ZFYVE9: variants seen among roughly 807,000 people sequenced by gnomAD.
The protein encoded by ZFYVE9 is zinc finger FYVE-type containing 9.
In ZFYVE9, 43 loss-of-function variants were observed where a neutral mutation model predicts 126.7. The ratio of observed to expected loss-of-function variants is 0.34; its 90% CI spans 0.27 to 0.44. The LOEUF (loss-of-function observed/expected upper bound fraction) is 0.44, where lower values mean the gene tolerates loss of function less well. ZFYVE9 is among the 20% of genes least tolerant of loss of function. ZFYVE9 has a pLI of 1.00. For missense variants in ZFYVE9, 1,476 were observed against 1,697.0 expected, an observed-to-expected ratio of 0.87 and a Z score of 2.29; for synonymous variants, 521 against 597.4, an observed-to-expected ratio of 0.87 and a Z score of 1.87.
intron 2 of ZFYVE9, among the ~76,000 whole-genome samples, chr1:52,217,129 C>T (rs1039828796): frequency 1.3e-5 from 2 of 152,202 alleles, no homozygotes; most frequent in African/African-American, 4.8e-5. Context: ...GCACCTATTA[C>T]AAATGCAAGA....
intron 2 of ZFYVE9, among the ~76,000 whole-genome samples, chr1:52,229,606 T>C (rs1266118901): frequency 1.3e-5 from 2 of 152,254 alleles, no homozygotes; most frequent in African/African-American, 4.8e-5. Flanking sequence ...TTATTCATTC[T>C]GCAGTTATTA....
chr1:52,318,370 ATGTGTGTGTGTGTGTGTGTG>A (rs59683935), intron 13 of ZFYVE9, among the ~76,000 whole-genome samples: 23 of 144,396 alleles, frequency 1.6e-4, no homozygotes, highest in Admixed American at 4.9e-4. Context: ...GCATGATTGT[ATGTGTGTGTGTGTGTGTGTG>A]TGTGTGTGTG....
At chr1:52,307,790 C>T (rs554367040) in intron 13 of ZFYVE9, among the ~76,000 whole-genome samples, 140 of 151,550 alleles carry the variant, frequency 9.2e-4, no homozygotes, top group African/African-American at 3.3e-3. Context: ...CTTGCTCCGC[C>T]ACCCAGGCTG....
At chr1:52,271,531 G>A (rs575511500) in intron 7 of ZFYVE9, among the ~76,000 whole-genome samples, 227 of 152,150 alleles carry the variant, frequency 1.5e-3, no homozygotes, top group Middle Eastern at 6.8e-3. Flanking sequence ...CCATCAACCC[G>A]TCATCTAGAT....
At chr1:52,255,292 G>T (rs1327097635) in intron 4 of ZFYVE9, among the ~76,000 whole-genome samples, 1 of 152,004 alleles carries the variant, frequency 6.6e-6, no homozygotes, top group Admixed American at 6.6e-5. Context: ...TTTTTAAAAA[G>T]TAATTTTAGA....
chr1:52,285,338 C>G (rs1017004427), intron 10 of ZFYVE9, among the ~76,000 whole-genome samples: 1 of 152,044 alleles, frequency 6.6e-6, no homozygotes, highest in South Asian at 2.1e-4. Flanking sequence ...AAAACGGGGT[C>G]CCCAACCCAC....
At chr1:52,159,902 T>C (rs1236981752) in intron 1 of ZFYVE9, among the ~76,000 whole-genome samples, 3 of 151,932 alleles carry the variant, frequency 2.0e-5, no homozygotes, top group Non-Finnish European at 4.4e-5. Flanking sequence ...TTCACGCTGT[T>C]CTCCTGCCTC....
intron 1 of ZFYVE9, among the ~76,000 whole-genome samples, chr1:52,169,059 G>A (rs571594520): frequency 6.6e-6 from 1 of 152,146 alleles, no homozygotes; most frequent in East Asian, 1.9e-4. Flanking sequence ...CTGACATCCA[G>A]ATCTTGATGT....
At chr1:52,261,505 ATTG>A (rs1645580165) in intron 4 of ZFYVE9, among the ~76,000 whole-genome samples, 2 of 152,012 alleles carry the variant, frequency 1.3e-5, no homozygotes, top group Non-Finnish European at 1.5e-5. Flanking sequence ...CCACATCCCC[ATTG>A]GGTAGCTTGG....
chr1:52,309,804 GAGGA>G (rs1646121052), intron 13 of ZFYVE9, among the ~76,000 whole-genome samples: 1 of 152,280 alleles, frequency 6.6e-6, no homozygotes, highest in East Asian at 1.9e-4. Context: ...TATGGAAAAT[GAGGA>G]GGGAGGGAGG....
intron 4 of ZFYVE9, among the ~76,000 whole-genome samples, chr1:52,256,176 C>T (rs113544648): frequency 6.6e-6 from 1 of 151,268 alleles, no homozygotes; most frequent in African/African-American, 2.4e-5. Flanking sequence ...AGTGATTCTC[C>T]TGCCTCAGCC....
intron 1 of ZFYVE9, chr1:52,180,336 G>A (rs1405541756): frequency 3.2e-6 from 5 of 1,570,986 alleles, no homozygotes; most frequent in Non-Finnish European, 4.4e-6. Flanking sequence ...CATGATATTT[G>A]TTTACGTGGA....
rs146867741 is a variant in ZFYVE9, at chr1:52,337,866, G to A, written c.3765G>A (p.Ala1255=). The A allele has an allele frequency of 6.1e-5, 99 of 1,614,218 alleles. No homozygotes were observed. The Middle Eastern group carries it at 8.2e-4, about 13-fold the overall frequency. Residue 1255 remains alanine (A), a synonymous_variant, in exon 16 of 19, where the codon GCG becomes GCA. Transcript: ENST00000287727. ...ACTTCACCATCACCTGTGGGAAGGC[G>A]GACGCGGAGGAACCCCAGGAGCACA... ...MKDFTITCGK[A]DAEEPQEHIH...
chr1:52,245,259 A>C (rs550165839), intron 4 of ZFYVE9, among the ~76,000 whole-genome samples: 5 of 152,266 alleles, frequency 3.3e-5, no homozygotes, highest in Middle Eastern at 3.4e-3. Context: ...GAGAAGCAAA[A>C]AGAAAAAAAA....
chr1:52,307,106 C>A (rs75195182), intron 13 of ZFYVE9, among the ~76,000 whole-genome samples: 2 of 152,362 alleles, frequency 1.3e-5, no homozygotes, highest in African/African-American at 4.8e-5. Flanking sequence ...GTTAGATGAT[C>A]AGATGTCATT....
At position 52,239,736 on chromosome 1, in the gene ZFYVE9, ATT is replaced by A. The variant is rs1026001114; in HGVS notation, c.2178+143_2178+144del. 4 of 955,642 alleles carry A rather than the reference ATT, an allele frequency of 4.2e-6. No homozygotes were observed. In the African/African-American group the frequency reaches 6.7e-5, roughly 16 times the overall value. The allele number at this position is 955,642 out of a possible 1,614,324, so 59.2% of individuals were successfully genotyped here. A position where few individuals can be genotyped will look rare whatever the true frequency, so the allele number is the denominator to read the frequency against. On this transcript the variant is annotated intron_variant, in intron 4 of 18. Coordinates refer to ENST00000287727, the MANE Select transcript of ZFYVE9 (RefSeq NM_004799.4). The stretch of plus-strand genomic sequence containing the variant: ...ATTTTTGAAAACCCAGTTCTAGTAA[ATT>A]TCTATATAAAAAATGATGTCACTGA...
At chr1:52,273,464 GC>G (rs1201056246) in intron 7 of ZFYVE9, among the ~76,000 whole-genome samples, 4 of 152,064 alleles carry the variant, frequency 2.6e-5, no homozygotes, top group Non-Finnish European at 5.9e-5. Context: ...TGGATTTAAC[GC>G]CAACCAACAT....
chr1:52,295,225 TGGAAAA>T (rs1449537891), intron 11 of ZFYVE9, among the ~76,000 whole-genome samples: 1 of 152,130 alleles, frequency 6.6e-6, no homozygotes, highest in East Asian at 1.9e-4. Context: ...TTAAACTTGT[TGGAAAA>T]AGAAAAAGTG....
intron 14 of ZFYVE9, among the ~76,000 whole-genome samples, chr1:52,334,465 A>T (rs1225026622): frequency 6.6e-6 from 1 of 152,240 alleles, no homozygotes; most frequent in East Asian, 1.9e-4. Context: ...AATTAGAGGA[A>T]GAACAAAACA....
Sources: allele counts gnomAD v4.1 joint callset (sites outside exome capture counted in the v4.1 genomes callset), GRCh38; gene constraint gnomAD v4.1.1; transcripts MANE v1.5; gene names NCBI Gene and HGNC (gene_info 2026-07-23, HGNC 2026-07-21).